FSHR: variants seen among roughly 807,000 people sequenced by gnomAD.
FSHR encodes follicle-stimulating hormone receptor.
Under a neutral mutation model 52.1 loss-of-function variants are expected in FSHR, and 46 were observed. That is an observed-to-expected ratio of 0.88 (90% CI 0.70 to 1.13). The LOEUF (loss-of-function observed/expected upper bound fraction) is 1.13. Among genes scored for constraint, FSHR ranks in the 50% most tolerant of loss-of-function variants. The pLI is 0.00. For synonymous variants in FSHR, 399 were observed against 309.6 expected, an observed-to-expected ratio of 1.29 and a Z score of -3.03; for missense variants, 964 against 834.6, an observed-to-expected ratio of 1.16 and a Z score of -1.91.
chr2:49,030,189 T>C (rs1057354119), intron 2 of FSHR, among the ~76,000 whole-genome samples: 2 of 152,238 alleles, frequency 1.3e-5, no homozygotes, highest in South Asian at 2.1e-4. Context: ...GAGGGCTCCA[T>C]TGATACCCCC....
intron 1 of FSHR, among the ~76,000 whole-genome samples, chr2:49,091,669 A>G (rs1670616634): frequency 6.6e-6 from 1 of 152,212 alleles, no homozygotes; most frequent in Non-Finnish European, 1.5e-5. Flanking sequence ...CTGATGAATT[A>G]CGTTAGATTT....
At chr2:49,021,886 T>TATATATAGAGAGAGAGAG (rs1273265515) in intron 2 of FSHR, among the ~76,000 whole-genome samples, 2 of 25,122 alleles carry the variant, frequency 8.0e-5, no homozygotes, top group Non-Finnish European at 1.5e-4. Flanking sequence ...TATATATATA[T>TATATATAGAGAGAGAGAG]AGAGAGAGAG....
chr2:49,125,339 A>G (rs1445060903), intron 1 of FSHR, among the ~76,000 whole-genome samples: 1 of 152,334 alleles, frequency 6.6e-6, no homozygotes, highest in South Asian at 2.1e-4. Flanking sequence ...TCACAAAAAA[A>G]TCTCATAATG....
At position 48,962,403 on chromosome 2, in the gene FSHR, C is replaced by A; in HGVS notation, c.*330G>T. 1 of 288,442 alleles carries A rather than the reference C, an allele frequency of 3.5e-6. No homozygotes were observed. Among genetic ancestry groups the A allele is most frequent in the Non-Finnish European group, 6.6e-6 (1 of 151,130 alleles). The allele number at this position is 288,442 out of a possible 1,614,324, so 17.9% of individuals were successfully genotyped here. A position where few individuals can be genotyped will look rare whatever the true frequency, so the allele number is the denominator to read the frequency against. On this transcript the variant is annotated 3_prime_UTR_variant, in exon 10 of 10. Transcript: ENST00000406846. ...CGTGGTTTCCTCATTTGTAAAACTCCAAGAATAATCCCTGTCCTGCTTATT... is the reference window on the plus strand; with the variant it reads ...CGTGGTTTCCTCATTTGTAAAACTCAAAGAATAATCCCTGTCCTGCTTATT...
intron 1 of FSHR, among the ~76,000 whole-genome samples, chr2:49,105,268 G>C (rs1466837194): frequency 6.6e-6 from 1 of 152,080 alleles, no homozygotes; most frequent in Admixed American, 6.5e-5. Context: ...CTTTGCCTTG[G>C]TGTGCTTGGG....
chr2:48,966,982 G>T (rs1674502988), intron 9 of FSHR, among the ~76,000 whole-genome samples: 1 of 152,164 alleles, frequency 6.6e-6, no homozygotes, highest in Non-Finnish European at 1.5e-5. Context: ...GGTTGGGAGA[G>T]CCTTGAGGCT....
chr2:49,057,404 G>A (rs1057063914), intron 2 of FSHR, among the ~76,000 whole-genome samples: 1 of 152,018 alleles, frequency 6.6e-6, no homozygotes, highest in Non-Finnish European at 1.5e-5. Context: ...AGATTGCTAT[G>A]AACAAGTATA....
intron 1 of FSHR, among the ~76,000 whole-genome samples, chr2:49,150,014 T>G (rs1215499171): frequency 6.6e-6 from 1 of 152,106 alleles, no homozygotes; most frequent in African/African-American, 2.4e-5. Context: ...TCCATACTGT[T>G]GCCTAGACTT....
chr2:49,055,836 T>C (rs1646787194), intron 2 of FSHR, among the ~76,000 whole-genome samples: 1 of 151,932 alleles, frequency 6.6e-6, no homozygotes. Context: ...AGGAGAAATA[T>C]AACATTTCAT....
At position 49,119,540 on chromosome 2, in the gene FSHR, A is replaced by G. The variant is rs140250992; in HGVS notation, c.152+34726T>C. On this transcript the variant is annotated intron_variant, in intron 1 of 9. Transcript: ENST00000406846. Reference sequence around the variant, plus strand: ...AAATTTTTTTCTTTCCTTTTTTGCAATGGCGCATTTTAGATCCTTGGTTTG... The same window carrying G: ...AAATTTTTTTCTTTCCTTTTTTGCAGTGGCGCATTTTAGATCCTTGGTTTG... Among the ~76,000 whole-genome samples the G allele has an allele frequency of 1.9e-3, 283 of 151,954 alleles. 1 individual carries two copies. The highest frequency in any genetic ancestry group is 6.4e-3 in the African/African-American group (267 of 41,462).
At chr2:49,070,120 C>T (rs1164114966) in intron 1 of FSHR, among the ~76,000 whole-genome samples, 1 of 152,216 alleles carries the variant, frequency 6.6e-6, no homozygotes, top group East Asian at 1.9e-4. Flanking sequence ...TACCAGAAAC[C>T]TTGAAATTGC....
intron 2 of FSHR, among the ~76,000 whole-genome samples, chr2:49,021,894 G>T (rs1462574098): frequency 0.014 from 805 of 57,852 alleles, 7 homozygotes; most frequent in African/African-American, 0.03. Flanking sequence ...TATAGAGAGA[G>T]AGAGAGAGAG....
chr2:49,123,657 A>G (rs755536450), intron 1 of FSHR, among the ~76,000 whole-genome samples: 1 of 152,206 alleles, frequency 6.6e-6, no homozygotes, highest in African/African-American at 2.4e-5. Flanking sequence ...TAAAAATAAA[A>G]TACAACTTTA....
At chr2:49,021,863 CTATATATATA>C (rs1224896244) in intron 2 of FSHR, among the ~76,000 whole-genome samples, 3 of 49,870 alleles carry the variant, frequency 6.0e-5, no homozygotes, top group Non-Finnish European at 3.7e-5. Context: ...CTCTCTCTCT[CTATATATATA>C]TATATATATA....
At chr2:49,085,800 T>G (rs1670361774) in intron 1 of FSHR, among the ~76,000 whole-genome samples, 1 of 152,166 alleles carries the variant, frequency 6.6e-6, no homozygotes, top group African/African-American at 2.4e-5. Flanking sequence ...AAGGATGAGT[T>G]CATGTCCTTT....
chr2:48,998,491 A>G (rs1372986146), intron 4 of FSHR, among the ~76,000 whole-genome samples: 1 of 152,110 alleles, frequency 6.6e-6, no homozygotes, highest in Non-Finnish European at 1.5e-5. Context: ...AAAATTCAAC[A>G]TATTCCAGGT....
chr2:48,985,104 AGATGATGAC>A (rs3082692), intron 6 of FSHR, among the ~76,000 whole-genome samples: 113,700 of 150,964 alleles, frequency 0.75, 42,884 homozygotes, highest in Non-Finnish European at 0.78. Context: ...TTTGAAAACC[AGATGATGAC>A]GATGATGACG....
rs1397570748 is a variant in FSHR, at chr2:49,034,455, T to C, written c.225-14295A>G. Among the ~76,000 whole-genome samples, 4 of 152,244 alleles carry C rather than the reference T, an allele frequency of 2.6e-5. No individual in the cohort carries two copies. In the East Asian group the frequency reaches 5.8e-4, roughly 22 times the overall value. On this transcript the variant is annotated intron_variant, in intron 2 of 9. Transcript: ENST00000406846. ...GCAAAGTGGTATATGCAGGTGTCAA[T>C]AGCTGGCATCTAGTTTTAGTTTTCC...
At chr2:49,015,893 G>A (rs1046442815) in intron 4 of FSHR, among the ~76,000 whole-genome samples, 4 of 152,182 alleles carry the variant, frequency 2.6e-5, no homozygotes, top group Admixed American at 6.5e-5. Context: ...GCCCTCCTGA[G>A]CACAAAGCCC....
Sources: gnomAD v4.1 joint callset for allele counts (sites outside exome capture counted in the v4.1 genomes callset) on GRCh38, gnomAD v4.1.1 for gene constraint, MANE v1.5 for transcripts, NCBI Gene and HGNC (gene_info 2026-07-23, HGNC 2026-07-21) for gene names.